Variants in RNF168 observed in about 807,000 individuals in gnomAD.
The protein encoded by RNF168 is ring finger protein 168.
Under a neutral mutation model 34.9 loss-of-function variants are expected in RNF168, and 34 were observed. That is an observed-to-expected ratio of 0.97 (90% CI 0.74 to 1.30). The LOEUF is 1.30. Among genes scored for constraint, RNF168 ranks in the 50% most tolerant of loss-of-function variants. RNF168 has a pLI of 0.00. For synonymous variants in RNF168, 264 were observed against 254.7 expected (o/e 1.04, Z -0.35); for missense variants, 725 against 682.5 (o/e 1.06, Z -0.69).
chr3:196,496,647 A>G (rs1238618795), intron 1 of RNF168, among the ~76,000 whole-genome samples: 2 of 152,228 alleles, frequency 1.3e-5, no homozygotes, highest in Non-Finnish European at 2.9e-5. Flanking sequence ...TGTTCTATTA[A>G]GTTCAATGCA....
intron 3 of RNF168, 137 bp downstream of exon 3, chr3:196,487,262 C>T (rs1732451868): frequency 7.3e-6 from 6 of 826,654 alleles, no homozygotes; most frequent in Admixed American, 3.5e-5. Context: ...CAAATCCAAC[C>T]AGCCTGGGGT....
At chr3:196,491,480 T>C (rs1022814777) in intron 1 of RNF168, among the ~76,000 whole-genome samples, 1 of 151,866 alleles carries the variant, frequency 6.6e-6, no homozygotes, top group South Asian at 2.1e-4. Flanking sequence ...GAAACCCGTC[T>C]CTACCAAAAA....
rs139845726 is a variant in RNF168, at chr3:196,484,954, C to G, written c.559-1063G>C. Among the ~76,000 whole-genome samples, 909 of 152,204 alleles carry G rather than the reference C, an allele frequency of 6.0e-3. 4 individuals carry two copies. The highest frequency in any genetic ancestry group is 0.01 in the Non-Finnish European group (703 of 68,010). On this transcript the variant is annotated intron_variant, in intron 3 of 5. Coordinates refer to ENST00000318037, the MANE Select transcript of RNF168 (RefSeq NM_152617.4). ...TATAGGTCTGTGCCACTGTGCCCAGCCTGTTGATTTTTCTAATAAATACTT... is the reference window on the plus strand; with the variant it reads ...TATAGGTCTGTGCCACTGTGCCCAGGCTGTTGATTTTTCTAATAAATACTT...
In RNF168 at chr3:196,502,956, T is replaced by C. The variant is rs1367501967; in HGVS notation, c.218A>G (p.Asn73Ser). 5.6e-6 allele frequency: 9 copies of C among 1,613,930 alleles called. No individual in the cohort carries two copies. Among genetic ancestry groups the C allele is most frequent in the African/African-American group, 5.3e-5 (4 of 74,902 alleles). The change falls in exon 1 of 6, where the codon AAC (asparagine) becomes AGC (serine). Residue 73 changes from asparagine (N) to serine (S), a missense_variant. Transcript: ENST00000318037. ...TTGAATTATCGTCCACAGTTCCACG[T>C]TGACGAGAGAATTTCTTCGGGTATG... is the stretch of plus-strand genomic sequence containing the variant. ...RYHTRRNSLV[N>S]VELWTIIQKH... is the part of the protein sequence containing the mutation.
intron 4 of RNF168, among the ~76,000 whole-genome samples, chr3:196,481,293 G>A (rs4916499): frequency 0.6 from 91,234 of 151,994 alleles, 28,075 homozygotes; most frequent in Middle Eastern, 0.64. Flanking sequence ...GGGGAATGGC[G>A]GGGCGTGGCG....
Position 196,488,602 on chromosome 3 carries a change from C to A in RNF168, c.378+5G>T. ...TTCCAAAAAAAAAAACTATTTAGCA[C>A]CTACCTTGCTTATTTCCTCTTCATA... On this transcript the variant is annotated splice_donor_5th_base_variant and intron_variant, in intron 2 of 5. Coordinates refer to ENST00000318037, the MANE Select transcript of RNF168 (RefSeq NM_152617.4). 1 of 1,561,924 alleles carries A rather than the reference C, an allele frequency of 6.4e-7. No homozygotes were observed. The highest frequency in any genetic ancestry group is 8.8e-7 in the Non-Finnish European group (1 of 1,133,604).
intron 4 of RNF168, among the ~76,000 whole-genome samples, chr3:196,476,982 A>C (rs1446347917): frequency 6.6e-6 from 1 of 152,094 alleles, no homozygotes; most frequent in Non-Finnish European, 1.5e-5. Context: ...TCTTGACCTC[A>C]GGTGATCCGC....
intron 3 of RNF168, 33 bp from the exon 4 acceptor site, chr3:196,483,924 TGA>T (rs1238921580): frequency 3.2e-6 from 5 of 1,539,080 alleles, no homozygotes; most frequent in Non-Finnish European, 4.5e-6. Flanking sequence ...ACAGACATTA[TGA>T]GAGAGAACTT....
chr3:196,494,188 T>C (rs920367371), intron 1 of RNF168, among the ~76,000 whole-genome samples: 7 of 152,168 alleles, frequency 4.6e-5, no homozygotes, highest in Non-Finnish European at 8.8e-5. Context: ...TATAAGAAAT[T>C]TGAATATCTC....
Position 196,468,836 on chromosome 3 carries a change from T to A in RNF168, c.*2983A>T, listed in dbSNP as rs1222951249. 1 of 152,180 alleles carries A rather than the reference T, an allele frequency of 6.6e-6. No individual in the cohort carries two copies. Among genetic ancestry groups the A allele is most frequent in the Non-Finnish European group, 1.5e-5 (1 of 68,034 alleles). 9.4% of individuals were successfully genotyped at this position (152,180 alleles called of 1,614,324 possible). A position where few individuals can be genotyped will look rare whatever the true frequency, so the allele number is the denominator to read the frequency against. On this transcript the variant is annotated 3_prime_UTR_variant, in exon 6 of 6. Transcript: ENST00000318037. The stretch of plus-strand genomic sequence containing the variant: ...ATTCTCAGCCTCTGCACAGCCTTAG[T>A]ACTCCCTGAGAAATTCAGTGTTTGC...
chr3:196,475,072 G>T, intron 5 of RNF168, 159 bp downstream of exon 5: 2 of 607,792 alleles, frequency 3.3e-6, no homozygotes, highest in South Asian at 1.9e-5. Context: ...GTTTCCTTTG[G>T]AGAAAAAGTG....
chr3:196,500,837 G>A (rs1319589532), intron 1 of RNF168, among the ~76,000 whole-genome samples: 4 of 151,522 alleles, frequency 2.6e-5, no homozygotes, highest in South Asian at 4.2e-4. Context: ...TCAGCCTCCC[G>A]AGTAGCTGGG....
rs373932426 is a variant in RNF168 at position 196,488,593 on chromosome 3, T to G, written c.378+14A>C. ...AGAGAAATATTCCAAAAAAAAAAAC[T>G]ATTTAGCACCTACCTTGCTTATTTC... On this transcript the variant is annotated intron_variant, in intron 2 of 5. Coordinates refer to ENST00000318037, the MANE Select transcript of RNF168 (RefSeq NM_152617.4). 57 of 1,485,244 alleles carry G rather than the reference T, an allele frequency of 3.8e-5. No homozygotes were observed. Among genetic ancestry groups the G allele is most frequent in the Non-Finnish European group, 4.9e-5 (52 of 1,069,284 alleles). The allele number at this position is 1,485,244 out of a possible 1,614,324, so 92.0% of individuals were successfully genotyped here.
At position 196,469,179 on chromosome 3, in the gene RNF168, A is replaced by C. The variant is rs1296045019; in HGVS notation, c.*2640T>G. The stretch of plus-strand genomic sequence containing the variant: ...TGAGGCATTCAAGAATGTCCACCCT[A>C]AAACTGAAAGTGAAATTGCTCTTAG... On this transcript the variant is annotated 3_prime_UTR_variant, in exon 6 of 6. Coordinates refer to ENST00000318037, the MANE Select transcript of RNF168 (RefSeq NM_152617.4). The C allele has an allele frequency of 6.6e-6, 1 of 152,228 alleles. No homozygotes were observed. Among genetic ancestry groups the C allele is most frequent in the Non-Finnish European group, 1.5e-5 (1 of 68,028 alleles). 9.4% of individuals were successfully genotyped at this position (152,228 alleles called of 1,614,324 possible).
At position 196,472,601 on chromosome 3, in the gene RNF168, C is replaced by T; in HGVS notation, c.934G>A (p.Gly312Arg). The stretch of plus-strand genomic sequence containing the variant: ...TTGCTTGGTCTTGTTTTGACGTTTC[C>T]TTCATGGTACCATTCGGCACCACAG... ...CACGAEWYHE[G>R]NVKTRPSNHG... The change falls in exon 6 of 6, where the codon GGA becomes AGA. Residue 312 changes from glycine (G) to arginine (R), a missense_variant. Coordinates refer to ENST00000318037, the MANE Select transcript of RNF168 (RefSeq NM_152617.4). The T allele has an allele frequency of 6.2e-7, 1 of 1,614,174 alleles. No individual in the cohort carries two copies. The highest frequency in any genetic ancestry group is 8.5e-7 in the Non-Finnish European group (1 of 1,180,024).
chr3:196,492,314 C>T (rs917219343), intron 1 of RNF168, among the ~76,000 whole-genome samples: 1 of 151,948 alleles, frequency 6.6e-6, no homozygotes, highest in African/African-American at 2.4e-5. Context: ...GCCTGGGCAA[C>T]ATAGCAAGAC....
At chr3:196,491,325 C>G (rs1560273805) in intron 1 of RNF168, among the ~76,000 whole-genome samples, 2 of 145,216 alleles carry the variant, frequency 1.4e-5, no homozygotes, top group Non-Finnish European at 3.0e-5. Flanking sequence ...AACAAACAAA[C>G]AAAGAAACAA....
At chr3:196,501,221 C>T (rs761787207) in intron 1 of RNF168, among the ~76,000 whole-genome samples, 2 of 152,060 alleles carry the variant, frequency 1.3e-5, no homozygotes, top group African/African-American at 2.4e-5. Flanking sequence ...CAATTCCACT[C>T]GTAGATATAT....
intron 3 of RNF168, among the ~76,000 whole-genome samples, 175 bp from the exon 4 acceptor site, chr3:196,484,066 TCATC>T (rs2108648818): frequency 6.6e-6 from 1 of 152,272 alleles, no homozygotes; most frequent in East Asian, 1.9e-4. Flanking sequence ...TAAACTATGT[TCATC>T]CAAGTTGGTC....
Sources: gnomAD v4.1 joint callset for allele counts (sites outside exome capture counted in the v4.1 genomes callset) on GRCh38, gnomAD v4.1.1 for gene constraint, MANE v1.5 for transcripts, NCBI Gene and HGNC (gene_info 2026-07-23, HGNC 2026-07-21) for gene names.